Variants in KIAA0232 observed in about 807,000 individuals in gnomAD.
KIAA0232 encodes uncharacterized protein KIAA0232.
KIAA0232 carries 27 observed loss-of-function variants against 122.0 expected under a neutral mutation model. The ratio of observed to expected loss-of-function variants is 0.22; its 90% confidence interval spans 0.16 to 0.31. The LOEUF (loss-of-function observed/expected upper bound fraction) is 0.31. Ranked by LOEUF, KIAA0232 falls within the 10% of genes least tolerant of loss-of-function variation. KIAA0232 has a pLI of 1.00. For missense variants in KIAA0232, 1,551 were observed against 1,634.2 expected (o/e 0.95, Z 0.88); for synonymous variants, 613 against 587.6 (o/e 1.04, Z -0.63).
At chr4:6,831,088 C>T (rs577595531) in intron 3 of KIAA0232, among the ~76,000 whole-genome samples, 22 of 151,994 alleles carry the variant, frequency 1.4e-4, no homozygotes, top group African/African-American at 4.8e-4. Context: ...CGGAGTCTCG[C>T]CCTGTCGCCC....
At position 6,845,389 on chromosome 4, in the gene KIAA0232, TCTC is replaced by T. The variant is rs1209704870; in HGVS notation, c.369+3187_369+3189del. 8.5e-5 allele frequency among the ~76,000 whole-genome samples: 13 copies of T among 152,136 alleles called. No homozygotes were observed. In the East Asian group the frequency reaches 2.3e-3, roughly 27 times the overall value. ...AATTTTAAAAAATACAGGGACAGGG[TCTC>T]CCTGTGTTGCCCAGGCTGGTTTTGA... On this transcript the variant is annotated intron_variant, in intron 4 of 9. Transcript: ENST00000307659.
In KIAA0232 at chr4:6,861,465, G is replaced by C. The variant is rs1383880868; in HGVS notation, c.1083G>C (p.Gln361His). The change falls in exon 7 of 10, where the codon CAG becomes CAC. Residue 361 changes from glutamine (Q) to histidine (H), a missense_variant. By Grantham distance (24) the Gln-to-His change is conservative (BLOSUM62 0). Coordinates refer to ENST00000307659, the MANE Select transcript of KIAA0232 (RefSeq NM_014743.3). ...GTAGCAGCAGTGGTTCTGTCAAACA[G>C]CTGTGCAAGCGGGGTAAGAGACCTT... ...SSSSSSGSVK[Q>H]LCKRGKRPLK... 1 of 1,614,066 alleles carries C rather than the reference G, an allele frequency of 6.2e-7. No individual in the cohort carries two copies. Among genetic ancestry groups the C allele is most frequent in the African/African-American group, 1.3e-5 (1 of 74,938 alleles).
At chr4:6,831,765 A>G (rs1256625333) in intron 3 of KIAA0232, among the ~76,000 whole-genome samples, 2 of 152,066 alleles carry the variant, frequency 1.3e-5, no homozygotes, top group Non-Finnish European at 2.9e-5. Context: ...TCTGCTTCCA[A>G]CCCCTTCCTC....
chr4:6,848,659 A>G (rs975469550), intron 4 of KIAA0232, among the ~76,000 whole-genome samples: 1 of 152,264 alleles, frequency 6.6e-6, no homozygotes, highest in African/African-American at 2.4e-5. Flanking sequence ...AAGCGACCCA[A>G]TATAGGGATG....
chr4:6,783,748 T>TA (rs1193063716), intron 1 of KIAA0232, among the ~76,000 whole-genome samples: 3 of 151,916 alleles, frequency 2.0e-5, no homozygotes, highest in Non-Finnish European at 2.9e-5. Flanking sequence ...TGGCGAAGGT[T>TA]ACAGCTGGAG....
chr4:6,861,923 T>G lies in KIAA0232; in HGVS notation c.1541T>G (p.Ile514Ser). 4 of 1,614,050 alleles carry G rather than the reference T, an allele frequency of 2.5e-6. No individual in the cohort carries two copies. Among genetic ancestry groups the G allele is most frequent in the Non-Finnish European group, 3.4e-6 (4 of 1,179,920 alleles). Residue 514 changes from isoleucine (I) to serine (S), a missense_variant, in exon 7 of 10, where the codon ATT becomes AGT. This residue lies in a region of KIAA0232 where 1,108 missense variants were observed against 1,154.8 expected (regional missense o/e 0.96). Transcript: ENST00000307659. Reference sequence around the variant, plus strand: ...TTAACGCACTTCTATGAAGTGGATATTGATCAATCCATGTTGGATCCTGGT... The same window carrying G: ...TTAACGCACTTCTATGAAGTGGATAGTGATCAATCCATGTTGGATCCTGGT... ...SELTHFYEVD[I>S]DQSMLDPGAS...
chr4:6,848,838 C>T (rs1720116246), intron 4 of KIAA0232, among the ~76,000 whole-genome samples: 1 of 152,132 alleles, frequency 6.6e-6, no homozygotes, highest in Admixed American at 6.6e-5. Flanking sequence ...CTCTACAGAC[C>T]AGAACCCCCT....
chr4:6,808,929 A>T (rs1717754854), intron 2 of KIAA0232, among the ~76,000 whole-genome samples: 1 of 152,192 alleles, frequency 6.6e-6, no homozygotes, highest in African/African-American at 2.4e-5. Context: ...CTTTAAGCCT[A>T]TTTGATGAGG....
In KIAA0232 at chr4:6,857,222, G is replaced by A. The variant is rs768395314; in HGVS notation, c.428G>A (p.Ser143Asn). 2 of 1,612,198 alleles carry A rather than the reference G, an allele frequency of 1.2e-6. No individual in the cohort carries two copies. Among genetic ancestry groups the A allele is most frequent in the Non-Finnish European group, 1.7e-6 (2 of 1,179,042 alleles). ...TGCTCCAGACTGAAAGACCTTCAGA[G>A]TAAGCAAGGTGAGGTCAAAAGCACT... ...ELCSRLKDLQ[S>N]KQEEKIHKKL... The change falls in exon 5 of 10, where the codon AGT becomes AAT. Residue 143 changes from serine to asparagine, a missense_variant. Ser to Asn is a conservative substitution (Grantham distance 46, BLOSUM62 1). Transcript: ENST00000307659.
chr4:6,805,627 G>A (rs1486771540), intron 2 of KIAA0232, among the ~76,000 whole-genome samples: 1 of 152,146 alleles, frequency 6.6e-6, no homozygotes, highest in African/African-American at 2.4e-5. Context: ...ATTGAAAGCT[G>A]TAGAATTTAT....
intron 1 of KIAA0232, among the ~76,000 whole-genome samples, chr4:6,788,341 A>T (rs1296424882): frequency 6.6e-6 from 1 of 152,102 alleles, no homozygotes; most frequent in Non-Finnish European, 1.5e-5. Context: ...GTCACCTTAT[A>T]TTTCAACACA....
intron 8 of KIAA0232, among the ~76,000 whole-genome samples, chr4:6,874,892 A>G (rs1039777835): frequency 6.6e-6 from 1 of 152,234 alleles, no homozygotes; most frequent in Non-Finnish European, 1.5e-5. Flanking sequence ...CTGTGGCACA[A>G]TAAAACCCTC....
At chr4:6,785,307 G>T (rs1005974993) in intron 1 of KIAA0232, among the ~76,000 whole-genome samples, 1 of 152,184 alleles carries the variant, frequency 6.6e-6, no homozygotes, top group Non-Finnish European at 1.5e-5. Flanking sequence ...GTGCTATGTT[G>T]TACGGTAGCA....
At chr4:6,793,717 A>C (rs902329181) in intron 1 of KIAA0232, among the ~76,000 whole-genome samples, 28 of 152,204 alleles carry the variant, frequency 1.8e-4, no homozygotes, top group African/African-American at 6.5e-4. Context: ...ATAAGGGGAG[A>C]GTGAGCTAAC....
chr4:6,843,927 CTTTTTTTTT>C (rs373793407), intron 4 of KIAA0232, among the ~76,000 whole-genome samples: 6 of 46,360 alleles, frequency 1.3e-4, no homozygotes, highest in Admixed American at 3.4e-4. Context: ...AGTTACCCAT[CTTTTTTTTT>C]TTTTTTTTTT....
In KIAA0232 at chr4:6,859,687, T is replaced by G. The variant is rs1720756478; in HGVS notation, c.518+1181T>G. Among the ~76,000 whole-genome samples the G allele has an allele frequency of 1.3e-5, 2 of 152,332 alleles. 1 individual carries two copies. Among genetic ancestry groups the G allele is most frequent in the South Asian group, 4.1e-4 (2 of 4,824 alleles). ...TCTGTTGGTCAACTCTGACATAGAC[T>G]GAGAAAGAGAATCAAGTTCAGGCCC... On this transcript the variant is annotated intron_variant, in intron 6 of 9. Coordinates refer to ENST00000307659, the MANE Select transcript of KIAA0232 (RefSeq NM_014743.3).
rs950924330 is a variant in KIAA0232 at position 6,822,784 on chromosome 4, T to G, written c.-269-1401T>G. ...CAAGTTTCTTTTTTTTTTTTTAATT[T>G]ATTATTATTATACTTTAAGTTTTAG... On this transcript the variant is annotated intron_variant, in intron 2 of 9. Coordinates refer to ENST00000307659, the MANE Select transcript of KIAA0232 (RefSeq NM_014743.3). Among the ~76,000 whole-genome samples, 7 of 151,562 alleles carry G rather than the reference T, an allele frequency of 4.6e-5. No homozygotes were observed. The South Asian group carries it at 1.2e-3, about 27-fold the overall frequency.
chr4:6,870,038 T>A (rs35631989), intron 7 of KIAA0232, among the ~76,000 whole-genome samples: 51,802 of 152,060 alleles, frequency 0.34, 9,185 homozygotes, highest in Middle Eastern at 0.37. Context: ...AGGCTCACTC[T>A]CTCAGGCACA....
intron 1 of KIAA0232, among the ~76,000 whole-genome samples, chr4:6,790,392 CTTTTTTTTTTT>C (rs10532360): frequency 9.1e-6 from 1 of 109,366 alleles, no homozygotes; most frequent in African/African-American, 3.4e-5. Context: ...TAAAAAAGGT[CTTTTTTTTTTT>C]TTTTTTTTTG....
Sources: gnomAD v4.1 joint callset for allele counts (sites outside exome capture counted in the v4.1 genomes callset) on GRCh38, gnomAD v4.1.1 for gene constraint, gnomAD v4.1.1 regional missense constraint, MANE v1.5 for transcripts, NCBI Gene and HGNC (gene_info 2026-07-23, HGNC 2026-07-21) for gene names.